Variants in PDZD8 observed in about 807,000 individuals in gnomAD.
PDZD8 encodes the protein PDZ domain-containing protein 8.
In PDZD8, 14 loss-of-function variants were observed where a neutral mutation model predicts 85.8. The observed-to-expected ratio is 0.16, with a 90% CI of 0.11 to 0.26. The LOEUF (loss-of-function observed/expected upper bound fraction) is 0.26, where lower values mean the gene tolerates loss of function less well. Among genes scored for constraint, PDZD8 ranks in the 10% least tolerant of loss-of-function variants. The probability of loss-of-function intolerance (pLI) is 1.00; values close to 1 mark genes in which losing one functional copy is unlikely to be tolerated. For synonymous variants in PDZD8, 592 were observed against 568.6 expected, an observed-to-expected ratio of 1.04 and a Z score of -0.59; for missense variants, 1,197 against 1,424.3, an observed-to-expected ratio of 0.84 and a Z score of 2.57.
At chr10:117,366,592 T>TACCACCACC (rs140867417) in intron 1 of PDZD8, among the ~76,000 whole-genome samples, 35,217 of 150,494 alleles carry the variant, frequency 0.23, 4,568 homozygotes, top group East Asian at 0.43. Context: ...TCACCACCAT[T>TACCACCACC]ACCACCACCA....
intron 1 of PDZD8, among the ~76,000 whole-genome samples, chr10:117,358,311 A>G (rs569710715): frequency 1.3e-5 from 2 of 152,278 alleles, no homozygotes; most frequent in African/African-American, 4.8e-5. Flanking sequence ...ATATGCATAT[A>G]AAAGTATAGT....
At chr10:117,326,664 A>C (rs138778289) in intron 2 of PDZD8, among the ~76,000 whole-genome samples, 1 of 152,348 alleles carries the variant, frequency 6.6e-6, no homozygotes, top group East Asian at 1.9e-4. Context: ...TCTCTAATAC[A>C]ACTGTTTGTT....
In PDZD8 at chr10:117,366,592, T is replaced by TACCACCACCACCACC. The variant is rs140867417; in HGVS notation, c.872+7749_872+7763dup. On this transcript the variant is annotated intron_variant, in intron 1 of 4. Coordinates refer to ENST00000334464, the MANE Select transcript of PDZD8 (RefSeq NM_173791.5). The stretch of plus-strand genomic sequence containing the variant: ...CCACCACCACCACTGTCACCACCAT[T>TACCACCACCACCACC]ACCACCACCACCACCACCACCAGTA... Among the ~76,000 whole-genome samples the TACCACCACCACCACC allele has an allele frequency of 3.7e-3, 563 of 150,664 alleles. 3 individuals carry two copies. The highest frequency in any genetic ancestry group is 0.013 in the African/African-American group (534 of 40,888).
chr10:117,374,581 G>C lies in PDZD8; in HGVS notation c.647C>G (p.Ala216Gly). 5 of 1,595,106 alleles carry C rather than the reference G, an allele frequency of 3.1e-6. No homozygotes were observed. The highest frequency in any genetic ancestry group is 4.3e-6 in the Non-Finnish European group (5 of 1,170,444). Residue 216 changes from alanine (A) to glycine (G), a missense_variant, in exon 1 of 5, where the codon GCC (alanine) becomes GGC (glycine). Physicochemically the swap from Ala to Gly is moderately conservative, Grantham distance 60. Coordinates refer to ENST00000334464, the MANE Select transcript of PDZD8 (RefSeq NM_173791.5). The surrounding 1 kb of genome is among the most constrained non-coding windows in gnomAD (Gnocchi z 7.8). ...IDVDLVFGKSAYLFVKLSRVV... is the reference protein window; with the variant it reads ...IDVDLVFGKSGYLFVKLSRVV... ...GCGGGACAGCTTGACAAACAAGTAG[G>C]CGGACTTGCCGAAGACCAGGTCCAC...
At chr10:117,325,933 C>T (rs945992498) in intron 2 of PDZD8, among the ~76,000 whole-genome samples, 1 of 152,040 alleles carries the variant, frequency 6.6e-6, no homozygotes, top group African/African-American at 2.4e-5. Context: ...ATGGTTTCCC[C>T]CATGCTGTTC....
rs1844511374 is a variant in PDZD8, at chr10:117,277,289, A to C, written c.*5979T>G. 6 of 1,421,778 alleles carry C rather than the reference A, an allele frequency of 4.2e-6. 1 individual carries two copies. In the East Asian group the frequency reaches 9.1e-5, roughly 22 times the overall value. 88.1% of individuals were successfully genotyped at this position (1,421,778 alleles called of 1,614,324 possible). On this transcript the variant is annotated 3_prime_UTR_variant, in exon 5 of 5. Transcript: ENST00000334464. ...TGAGATGAGATCCTCAAAAATCATC[A>C]AAGTGTTTAATTGTATAAAACAGTG...
intron 3 of PDZD8, among the ~76,000 whole-genome samples, chr10:117,303,795 CA>C (rs1383254768): frequency 6.6e-6 from 1 of 152,242 alleles, no homozygotes; most frequent in Non-Finnish European, 1.5e-5. Context: ...TGGAAGCCCC[CA>C]AGCCTTATTC....
At chr10:117,285,570 C>G in intron 4 of PDZD8, 99 bp from the exon 5 acceptor site, 1 of 1,174,434 alleles carries the variant, frequency 8.5e-7, no homozygotes, top group African/African-American at 1.6e-5. Context: ...ATTGCCATTA[C>G]CTCTGGTTAT....
intron 1 of PDZD8, among the ~76,000 whole-genome samples, chr10:117,359,716 C>CA (rs1844963739): frequency 6.6e-6 from 1 of 152,044 alleles, no homozygotes; most frequent in South Asian, 2.1e-4. Context: ...GTCTCAAAAA[C>CA]AAAAACAACA....
chr10:117,322,913 G>A (rs1392360258), intron 2 of PDZD8, among the ~76,000 whole-genome samples: 5 of 152,124 alleles, frequency 3.3e-5, no homozygotes, highest in Non-Finnish European at 4.4e-5. Flanking sequence ...ACTCAAACTC[G>A]TGGCATATCC....
intron 3 of PDZD8, among the ~76,000 whole-genome samples, chr10:117,290,971 G>C (rs957493625): frequency 1.0e-4 from 15 of 148,662 alleles, no homozygotes; most frequent in Admixed American, 9.6e-4. Context: ...CCAGGCGCAA[G>C]TGATTCTCTC....
intron 1 of PDZD8, among the ~76,000 whole-genome samples, chr10:117,366,268 C>T (rs1396505576): frequency 6.6e-6 from 1 of 151,984 alleles, no homozygotes; most frequent in Non-Finnish European, 1.5e-5. Flanking sequence ...AACCTAAAGT[C>T]TAAGGACCCT....
At chr10:117,336,507 T>C (rs1439710764) in intron 2 of PDZD8, among the ~76,000 whole-genome samples, 2 of 152,252 alleles carry the variant, frequency 1.3e-5, no homozygotes, top group Admixed American at 6.5e-5. Context: ...TGGTGGAACA[T>C]GCCTGTAGTC....
At chr10:117,343,809 T>C (rs576075666) in intron 1 of PDZD8, among the ~76,000 whole-genome samples, 1 of 152,230 alleles carries the variant, frequency 6.6e-6, no homozygotes, top group East Asian at 1.9e-4. Context: ...TACTAAACGG[T>C]GGGATAAAGC....
chr10:117,348,931 T>C (rs1182973480), intron 1 of PDZD8, among the ~76,000 whole-genome samples: 1 of 152,194 alleles, frequency 6.6e-6, no homozygotes, highest in Non-Finnish European at 1.5e-5. Context: ...CAAAGGAGGC[T>C]CATGGTTTTA....
chr10:117,359,975 T>G (rs1044298084), intron 1 of PDZD8, among the ~76,000 whole-genome samples: 16 of 150,022 alleles, frequency 1.1e-4, no homozygotes, highest in Non-Finnish European at 2.2e-4. Context: ...AGAACAAGGA[T>G]AACAAATACT....
rs1306343412 is a variant in PDZD8 at position 117,284,831 on chromosome 10, C to G, written c.1902G>C (p.Lys634Asn). 6.2e-7 allele frequency: 1 copy of G among 1,614,166 alleles called. No individual in the cohort carries two copies. Among genetic ancestry groups the G allele is most frequent in the Non-Finnish European group, 8.5e-7 (1 of 1,180,020 alleles). Reference sequence around the variant, plus strand: ...CTATGGCATCCACATTTTTTGCTTGCTTTTCAGCAGATTTATCTACAAGAG... The same window carrying G: ...CTATGGCATCCACATTTTTTGCTTGGTTTTCAGCAGATTTATCTACAAGAG... The part of the protein sequence containing the change: ...PPPLVDKSAE[K>N]QAKNVDAIDD... The change falls in exon 5 of 5, where the codon AAG (lysine) becomes AAC (asparagine). Residue 634 changes from lysine (K) to asparagine (N), a missense_variant. By Grantham distance (94) the Lys-to-Asn change is moderately conservative. This residue lies in a region of PDZD8 where 263 missense variants were observed against 261.9 expected (regional missense o/e 1.00). Transcript: ENST00000334464.
chr10:117,362,533 C>A (rs1845016426), intron 1 of PDZD8, among the ~76,000 whole-genome samples: 1 of 152,028 alleles, frequency 6.6e-6, no homozygotes, highest in Admixed American at 6.6e-5. Context: ...ATCATAAGAG[C>A]ACAGATATCC....
At chr10:117,291,669 A>AC (rs940463298) in intron 3 of PDZD8, among the ~76,000 whole-genome samples, 5 of 151,670 alleles carry the variant, frequency 3.3e-5, no homozygotes, top group Non-Finnish European at 5.9e-5. Context: ...ACATGGTGAG[A>AC]CCCCATCTTT....
Sources: gnomAD v4.1 joint callset for allele counts (sites outside exome capture counted in the v4.1 genomes callset) on GRCh38, gnomAD v4.1.1 for gene constraint, gnomAD v4.1.1 regional missense constraint, Gnocchi (gnomAD v3.1) non-coding constraint, MANE v1.5 for transcripts, NCBI Gene and HGNC (gene_info 2026-07-23, HGNC 2026-07-21) for gene names.